The following PRTG variants were observed in gnomAD, a reference collection of about 807,000 sequenced individuals.
The protein encoded by PRTG is protogenin.
In PRTG, 67 loss-of-function variants were observed where a neutral mutation model predicts 122.5. The ratio of observed to expected loss-of-function variants is 0.55; its 90% CI spans 0.45 to 0.67. The LOEUF (loss-of-function observed/expected upper bound fraction) is 0.67, where lower values mean the gene tolerates loss of function less well. Ranked by LOEUF, PRTG falls within the 30% of genes least tolerant of loss-of-function variation. The pLI is 0.00. For synonymous variants in PRTG, 554 were observed against 501.1 expected (o/e 1.11, Z -1.41); for missense variants, 1,435 against 1,415.4 (o/e 1.01, Z -0.22).
chr15:55,637,954 A>T (rs1220527402), intron 14 of PRTG, among the ~76,000 whole-genome samples: 2 of 152,212 alleles, frequency 1.3e-5, no homozygotes, highest in Non-Finnish European at 2.9e-5. Context: ...ATAGCAACAA[A>T]GTCCTATGTT....
chr15:55,734,294 C>T (rs1411971872), intron 2 of PRTG, among the ~76,000 whole-genome samples: 3 of 151,716 alleles, frequency 2.0e-5, no homozygotes, highest in Non-Finnish European at 2.9e-5. Flanking sequence ...TAAAAGACTA[C>T]AAAACTTTAA....
At position 55,612,697 on chromosome 15, in the gene PRTG, A is replaced by ATATATATATAT. The variant is rs2059125551; in HGVS notation, c.*7314_*7315insATATATATATA. ...TTCTCTCTTTAACTCTTTAAAAGCC[A>ATATATATATAT]ATATATATATATATATATATATATA... On this transcript the variant is annotated 3_prime_UTR_variant, in exon 20 of 20. Coordinates refer to ENST00000389286, the MANE Select transcript of PRTG (RefSeq NM_173814.6). 7.5e-5 allele frequency: 9 copies of ATATATATATAT among 120,744 alleles called. No homozygotes were observed. The highest frequency in any genetic ancestry group is 3.7e-4 in the African/African-American group (8 of 21,350). The allele number at this position is 120,744 out of a possible 1,614,324, so 7.5% of individuals were successfully genotyped here. A position where few individuals can be genotyped will look rare whatever the true frequency, so the allele number is the denominator to read the frequency against.
At chr15:55,656,564 G>C (rs1427171077) in intron 11 of PRTG, among the ~76,000 whole-genome samples, 1 of 152,160 alleles carries the variant, frequency 6.6e-6, no homozygotes, top group Non-Finnish European at 1.5e-5. Flanking sequence ...CTGGAGTGCA[G>C]TGGTGTGATC....
intron 2 of PRTG, among the ~76,000 whole-genome samples, chr15:55,730,519 G>C (rs2031192686): frequency 6.6e-6 from 1 of 152,072 alleles, no homozygotes; most frequent in South Asian, 2.1e-4. Flanking sequence ...AGTGACTATA[G>C]GCTAGATGCA....
chr15:55,656,408 G>T, intron 11 of PRTG: 1 of 441,382 alleles, frequency 2.3e-6, no homozygotes, highest in South Asian at 1.7e-5. Flanking sequence ...TTTAATTTAG[G>T]GTACTTTATA....
intron 2 of PRTG, among the ~76,000 whole-genome samples, chr15:55,700,660 G>A (rs1009646785): frequency 1.3e-5 from 2 of 151,950 alleles, no homozygotes; most frequent in African/African-American, 2.4e-5. Flanking sequence ...GTGTGCCTGC[G>A]CTCCCAGATA....
Position 55,617,863 on chromosome 15 carries a change from AT to A in PRTG, c.*2148del, listed in dbSNP as rs1356348801. On this transcript the variant is annotated 3_prime_UTR_variant, in exon 20 of 20. Transcript: ENST00000389286. ...AAATAAAATGATCTCACTGTACTTA[AT>A]TTTAGATACTGATAAAAGTTGGCCC... 6.6e-6 allele frequency: 1 copy of A among 152,156 alleles called. No individual in the cohort carries two copies. Among genetic ancestry groups the A allele is most frequent in the Non-Finnish European group, 1.5e-5 (1 of 68,026 alleles). 9.4% of individuals were successfully genotyped at this position (152,156 alleles called of 1,614,324 possible). A position where few individuals can be genotyped will look rare whatever the true frequency, so the allele number is the denominator to read the frequency against.
chr15:55,718,566 T>G (rs1173352361), intron 2 of PRTG, among the ~76,000 whole-genome samples: 1 of 152,000 alleles, frequency 6.6e-6, no homozygotes, highest in Non-Finnish European at 1.5e-5. Context: ...GCTGACTCTT[T>G]TCAGACTCAG....
At chr15:55,631,092 CTTG>C (rs903109635) in intron 15 of PRTG, among the ~76,000 whole-genome samples, 2 of 152,150 alleles carry the variant, frequency 1.3e-5, no homozygotes, top group Admixed American at 1.3e-4. Flanking sequence ...CAGAACACAA[CTTG>C]TTTTCATGTT....
At position 55,673,682 on chromosome 15, in the gene PRTG, CAT is replaced by C. The variant is rs1595638522; in HGVS notation, c.1547-8_1547-7del. On this transcript the variant is annotated splice_polypyrimidine_tract_variant and splice_region_variant and intron_variant, in intron 9 of 19. Transcript: ENST00000389286. ...TTCAGGAGGTCTCAGGGGAACTAGTCATAGAAGAAATCAGGTTGTTTATAAAT... is the reference window on the plus strand; with the variant it reads ...TTCAGGAGGTCTCAGGGGAACTAGTCAGAAGAAATCAGGTTGTTTATAAAT... The C allele has an allele frequency of 6.2e-7, 1 of 1,608,846 alleles. No individual in the cohort carries two copies. Among genetic ancestry groups the C allele is most frequent in the East Asian group, 2.2e-5 (1 of 44,830 alleles).
intron 2 of PRTG, among the ~76,000 whole-genome samples, chr15:55,738,887 CAG>C (rs1567122250): frequency 8.9e-6 from 1 of 112,592 alleles, no homozygotes; most frequent in Non-Finnish European, 1.7e-5. Context: ...GAGGAAAAGA[CAG>C]AGGAAGGAAG....
At chr15:55,627,336 T>G (rs1486541218) in intron 16 of PRTG, among the ~76,000 whole-genome samples, 1 of 150,376 alleles carries the variant, frequency 6.6e-6, no homozygotes, top group African/African-American at 2.4e-5. Context: ...GTTTTTTTTT[T>G]TTTTTTTGAG....
rs1194500099 is a variant in PRTG, at chr15:55,618,468, G to A, written c.*1544C>T. ...GATATGGGACCCCTTCTCTACACGC[G>A]TTTAGTTCTTTATCCTCTCCCACTG... On this transcript the variant is annotated 3_prime_UTR_variant, in exon 20 of 20. Transcript: ENST00000389286. 6.6e-6 allele frequency: 1 copy of A among 152,100 alleles called. No individual in the cohort carries two copies. The highest frequency in any genetic ancestry group is 1.5e-5 in the Non-Finnish European group (1 of 68,030). 9.4% of individuals were successfully genotyped at this position (152,100 alleles called of 1,614,324 possible).
At chr15:55,725,526 G>C (rs1422376625) in intron 2 of PRTG, among the ~76,000 whole-genome samples, 2 of 151,806 alleles carry the variant, frequency 1.3e-5, no homozygotes, top group African/African-American at 2.4e-5. Context: ...GCCTGGGGAG[G>C]TTGAGGATGC....
At chr15:55,664,938 G>A (rs1255349890) in intron 11 of PRTG, among the ~76,000 whole-genome samples, 1 of 151,882 alleles carries the variant, frequency 6.6e-6, no homozygotes, top group Non-Finnish European at 1.5e-5. Context: ...TCTTCACGAG[G>A]AGTTAGGTGA....
intron 16 of PRTG, 52 bp from the exon 17 acceptor site, chr15:55,627,180 A>G: frequency 7.2e-7 from 1 of 1,391,156 alleles, no homozygotes; most frequent in South Asian, 1.5e-5. Context: ...TAAATTATTT[A>G]ATTTATAATT....
chr15:55,705,887 A>C (rs1595665738), intron 2 of PRTG, among the ~76,000 whole-genome samples: 3 of 116,014 alleles, frequency 2.6e-5, no homozygotes, highest in African/African-American at 3.2e-5. Flanking sequence ...AAGGAGTCTC[A>C]CTCTGTCACC....
intron 2 of PRTG, among the ~76,000 whole-genome samples, chr15:55,694,294 TG>T (rs2059620564): frequency 1.3e-5 from 2 of 152,228 alleles, no homozygotes; most frequent in Admixed American, 6.5e-5. Context: ...TATGCCGCTA[TG>T]GGGCACAGAT....
intron 11 of PRTG, among the ~76,000 whole-genome samples, chr15:55,671,343 T>C (rs1326723157): frequency 6.6e-6 from 1 of 152,142 alleles, no homozygotes; most frequent in African/African-American, 2.4e-5. Flanking sequence ...GGTGTAACAA[T>C]TCAGTAGGTA....
Sources: gnomAD v4.1 joint callset for allele counts (sites outside exome capture counted in the v4.1 genomes callset) on GRCh38, gnomAD v4.1.1 for gene constraint, MANE v1.5 for transcripts, NCBI Gene and HGNC (gene_info 2026-07-23, HGNC 2026-07-21) for gene names.